The following SMYD3 variants were observed in gnomAD, a reference collection of about 807,000 sequenced individuals.
SMYD3 encodes SET and MYND domain containing 3.
SMYD3 carries 36 observed loss-of-function variants against 57.7 expected under a neutral mutation model. The observed-to-expected ratio is 0.62, with a 90% confidence interval of 0.48 to 0.82. The LOEUF (loss-of-function observed/expected upper bound fraction) is 0.82. Ranked by LOEUF, SMYD3 falls within the 40% of genes least tolerant of loss-of-function variation. The pLI, the probability that SMYD3 is intolerant of heterozygous loss-of-function variation, is 0.00. For missense variants in SMYD3, 515 were observed against 538.8 expected (o/e 0.96, Z 0.44); for synonymous variants, 211 against 195.0 (o/e 1.08, Z -0.68).
intron 5 of SMYD3, among the ~76,000 whole-genome samples, chr1:246,278,352 T>C (rs569910158): frequency 3.9e-5 from 6 of 152,304 alleles, no homozygotes; most frequent in African/African-American, 9.6e-5. Context: ...CCTTGCCCCT[T>C]ATGTATGGGC....
rs184340280 is a variant in SMYD3, at chr1:246,341,520, A to C, written c.229-6046T>G. 1.8e-3 allele frequency among the ~76,000 whole-genome samples: 279 copies of C among 152,296 alleles called. 1 individual carries two copies. The highest frequency in any genetic ancestry group is 6.4e-3 in the African/African-American group (267 of 41,582). On this transcript the variant is annotated intron_variant, in intron 2 of 11. Transcript: ENST00000490107. ...TATGATTTATTCTAAAACCAGTACC[A>C]TTCAGGGGGTAAAATTTACTATATA...
At chr1:246,045,432 T>G (rs1474928231) in intron 5 of SMYD3, among the ~76,000 whole-genome samples, 2 of 152,062 alleles carry the variant, frequency 1.3e-5, no homozygotes, top group African/African-American at 4.8e-5. Flanking sequence ...TAGCCATATG[T>G]AGAAAGCTGA....
chr1:245,863,921 AT>A, intron 8 of SMYD3, 35 bp from the exon 9 acceptor site: 2 of 1,595,712 alleles, frequency 1.3e-6, no homozygotes, highest in Non-Finnish European at 1.7e-6. Flanking sequence ...AAATAATCTA[AT>A]TAGTAATAGG....
At chr1:246,269,069 C>T (rs899086063) in intron 5 of SMYD3, among the ~76,000 whole-genome samples, 1 of 152,106 alleles carries the variant, frequency 6.6e-6, no homozygotes. Context: ...AAAATCTCTC[C>T]CTTTTCCATC....
chr1:246,028,491 AC>A (rs2059614711), intron 5 of SMYD3, among the ~76,000 whole-genome samples: 1 of 152,214 alleles, frequency 6.6e-6, no homozygotes, highest in Non-Finnish European at 1.5e-5. Flanking sequence ...AGCTACAAAA[AC>A]ATAAATAAAG....
chr1:245,749,915 C>T (rs935346506), intron 11 of SMYD3, among the ~76,000 whole-genome samples: 11 of 152,150 alleles, frequency 7.2e-5, no homozygotes, highest in African/African-American at 2.7e-4. Flanking sequence ...AATCGATGAT[C>T]TTCAAAGACT....
At position 246,210,573 on chromosome 1, in the gene SMYD3, G is replaced by C. The variant is rs992781932; in HGVS notation, c.531+116628C>G. On this transcript the variant is annotated intron_variant, in intron 5 of 11. Transcript: ENST00000490107. The stretch of plus-strand genomic sequence containing the variant: ...AAAAATGCAAAAATTAGCTGGGCGT[G>C]GTTGCGGGCACCTGTAATCTCAGCT... Among the ~76,000 whole-genome samples, 31 of 152,132 alleles carry C rather than the reference G, an allele frequency of 2.0e-4. 1 individual carries two copies. Among genetic ancestry groups the C allele is most frequent in the African/African-American group, 7.2e-4 (30 of 41,470 alleles).
chr1:245,903,685 A>G (rs1339126548), intron 8 of SMYD3, among the ~76,000 whole-genome samples: 1 of 152,194 alleles, frequency 6.6e-6, no homozygotes, highest in African/African-American at 2.4e-5. Flanking sequence ...AAGGGATGAT[A>G]TAGTTTGGCT....
rs58487495 is a variant in SMYD3 at position 246,293,025 on chromosome 1, T to C, written c.531+34176A>G. On this transcript the variant is annotated intron_variant, in intron 5 of 11. Coordinates refer to ENST00000490107, the MANE Select transcript of SMYD3 (RefSeq NM_001167740.2). ...ACCATATTTGGTGGGTAAATGTATC[T>C]GTACTGTAAAAACACTGTACCATAA... Among the ~76,000 whole-genome samples the C allele has an allele frequency of 7.4e-3, 1,121 of 152,242 alleles. 28 individuals carry two copies. In the East Asian group the frequency reaches 0.08, roughly 11 times the overall value.
At chr1:246,464,086 A>C (rs1408936077) in intron 1 of SMYD3, among the ~76,000 whole-genome samples, 1 of 152,146 alleles carries the variant, frequency 6.6e-6, no homozygotes, top group African/African-American at 2.4e-5. Flanking sequence ...GTTATGAAGA[A>C]GAGATGGTAC....
At chr1:245,775,564 A>C (rs2046547701) in intron 10 of SMYD3, among the ~76,000 whole-genome samples, 1 of 151,566 alleles carries the variant, frequency 6.6e-6, no homozygotes, top group Admixed American at 6.6e-5. Context: ...ACCCAGGGAC[A>C]CAAACACTGC....
At chr1:246,005,147 C>A (rs2059147733) in intron 5 of SMYD3, among the ~76,000 whole-genome samples, 1 of 152,082 alleles carries the variant, frequency 6.6e-6, no homozygotes, top group Admixed American at 6.6e-5. Context: ...CTGGGACTGG[C>A]CTAATTTTAA....
intron 1 of SMYD3, 90 bp downstream of exon 1, chr1:246,506,964 G>A: frequency 2.4e-6 from 3 of 1,225,094 alleles, no homozygotes; most frequent in East Asian, 3.1e-5. Flanking sequence ...TCCAGCAGGA[G>A]TCCCGCGGCT....
intron 5 of SMYD3, among the ~76,000 whole-genome samples, chr1:246,002,329 C>T (rs369983387): frequency 0.015 from 881 of 58,488 alleles, 108 homozygotes; most frequent in Middle Eastern, 0.07. Flanking sequence ...GGACTGCAGG[C>T]TCCCGCCACC....
At chr1:245,934,039 G>A (rs2056868117) in intron 5 of SMYD3, among the ~76,000 whole-genome samples, 1 of 151,424 alleles carries the variant, frequency 6.6e-6, no homozygotes, top group African/African-American at 2.4e-5. Flanking sequence ...CATTTAAAAA[G>A]AAGGGGATTC....
At chr1:246,274,232 TCAAGGTTACTGTTAGAGAA>T (rs2064285748) in intron 5 of SMYD3, among the ~76,000 whole-genome samples, 1 of 152,228 alleles carries the variant, frequency 6.6e-6, no homozygotes, top group Non-Finnish European at 1.5e-5. Context: ...ACATGGAGTT[TCAAGGTTACTGTTAGAGAA>T]CATATCGTGA....
At chr1:245,858,442 T>C in intron 10 of SMYD3, 54 bp downstream of exon 10, 1 of 1,528,066 alleles carries the variant, frequency 6.5e-7, no homozygotes, top group South Asian at 1.3e-5. Context: ...ATGGATCCTT[T>C]GCCCAACGTG....
intron 1 of SMYD3, among the ~76,000 whole-genome samples, chr1:246,406,456 A>T (rs11805778): frequency 0.44 from 67,501 of 151,968 alleles, 15,608 homozygotes; most frequent in Admixed American, 0.54. Context: ...CTATGAGAGA[A>T]AATCAACACA....
At chr1:246,158,259 T>C (rs1297278966) in intron 5 of SMYD3, among the ~76,000 whole-genome samples, 5 of 152,226 alleles carry the variant, frequency 3.3e-5, no homozygotes, top group Non-Finnish European at 7.3e-5. Context: ...TGGTTTGTAA[T>C]TGATGTATCT....
Sources: gnomAD v4.1 joint callset for allele counts (sites outside exome capture counted in the v4.1 genomes callset) on GRCh38, gnomAD v4.1.1 for gene constraint, MANE v1.5 for transcripts, NCBI Gene and HGNC (gene_info 2026-07-23, HGNC 2026-07-21) for gene names.